AFF3: variants seen among roughly 807,000 people sequenced by gnomAD.
AFF3 encodes AF4/FMR2 family member 3.
A neutral mutation model predicts 129.7 loss-of-function variants in AFF3; 32 were observed. The ratio of observed to expected loss-of-function variants is 0.25; its 90% CI spans 0.19 to 0.33. The LOEUF (loss-of-function observed/expected upper bound fraction) is 0.33. Among genes scored for constraint, AFF3 ranks in the 10% least tolerant of loss-of-function variants. The pLI is 1.00. For synonymous variants in AFF3, 644 were observed against 635.4 expected (o/e 1.01, Z -0.20); for missense variants, 1,373 against 1,592.0 (o/e 0.86, Z 2.34).
At position 99,648,642 on chromosome 2, in the gene AFF3, C is replaced by T. The variant is rs556198595; in HGVS notation, c.1184+984G>A. On this transcript the variant is annotated intron_variant, in intron 13 of 24. Transcript: ENST00000672756. ...TTTCACTCATGCACACCAGATAATTCGCCTAAGTGACAGGTTTTACTTTGG... is the reference window on the plus strand; with the variant it reads ...TTTCACTCATGCACACCAGATAATTTGCCTAAGTGACAGGTTTTACTTTGG... 4.6e-5 allele frequency among the ~76,000 whole-genome samples: 7 copies of T among 152,162 alleles called. No homozygotes were observed. In the South Asian group the frequency reaches 1.2e-3, roughly 27 times the overall value.
At chr2:99,631,125 T>C in intron 13 of AFF3, 1 of 272,346 alleles carries the variant, frequency 3.7e-6, no homozygotes, top group Non-Finnish European at 8.0e-6. Context: ...GTGTGATCCT[T>C]CCCCTCGGCC....
At chr2:99,941,489 T>C (rs1027582811) in intron 7 of AFF3, among the ~76,000 whole-genome samples, 2 of 152,252 alleles carry the variant, frequency 1.3e-5, no homozygotes, top group African/African-American at 4.8e-5. Context: ...GACAGCTGCA[T>C]ATCACGATGA....
chr2:99,601,726 G>A lies in AFF3; in HGVS notation c.1185-105C>T. 5 of 1,324,880 alleles carry A rather than the reference G, an allele frequency of 3.8e-6. No individual in the cohort carries two copies. In the South Asian group the frequency reaches 4.3e-5, roughly 11 times the overall value. The allele number at this position is 1,324,880 out of a possible 1,614,324, so 82.1% of individuals were successfully genotyped here. A position where few individuals can be genotyped will look rare whatever the true frequency, so the allele number is the denominator to read the frequency against. ...TGCACCCTAAAGAGGGAGGAGGCACGCAGCCTACACATCTGTCAACCATGA... is the reference window on the plus strand; with the variant it reads ...TGCACCCTAAAGAGGGAGGAGGCACACAGCCTACACATCTGTCAACCATGA... On this transcript the variant is annotated intron_variant, in intron 13 of 24. Transcript: ENST00000672756.
chr2:99,611,684 C>T lies in AFF3; in HGVS notation c.1185-10063G>A, dbSNP rs183683729. ...GGTGGATCACTTGAGGTCAGGAGTT[C>T]GAGAGCAGCCTGGCCAACATGGTAA... On this transcript the variant is annotated intron_variant, in intron 13 of 24. Coordinates refer to ENST00000672756, the MANE Select transcript of AFF3 (RefSeq NM_001386135.1). 1.8e-3 allele frequency among the ~76,000 whole-genome samples: 274 copies of T among 152,090 alleles called. 1 individual carries two copies. The highest frequency in any genetic ancestry group is 6.4e-3 in the African/African-American group (265 of 41,500).
intron 13 of AFF3, among the ~76,000 whole-genome samples, chr2:99,624,989 C>A (rs750899989): frequency 2.6e-5 from 4 of 152,178 alleles, no homozygotes; most frequent in Non-Finnish European, 5.9e-5. Context: ...AAGATACAGT[C>A]TCTCGTGGAA....
At chr2:100,050,514 A>ACC in intron 4 of AFF3, among the ~76,000 whole-genome samples, 1 of 152,198 alleles carries the variant, frequency 6.6e-6, no homozygotes, top group South Asian at 2.1e-4. Flanking sequence ...TTCTTGTATA[A>ACC]AGACTCATGC....
At chr2:99,711,524 C>A (rs964791899) in intron 11 of AFF3, among the ~76,000 whole-genome samples, 3 of 152,026 alleles carry the variant, frequency 2.0e-5, no homozygotes, top group African/African-American at 7.2e-5. Flanking sequence ...AGAGAACCTG[C>A]GATCTAGGGG....
In AFF3 at chr2:99,593,398, A is replaced by G; in HGVS notation, c.2263T>C (p.Ser755Pro). Residue 755 changes from serine to proline, a missense_variant, in exon 15 of 25, where the codon TCC becomes CCC. This residue lies in a region of AFF3 where 466 missense variants were observed against 505.0 expected (regional missense o/e 0.92). Transcript: ENST00000672756. ...ATCTCATCACTGTCCTTTAGAGGGG[A>G]GAGAAGTTCGTTCCGGCCAAAGGGG... Reference protein sequence around the residue: ...LVPFGRNELLSPLKDSDEIRS... With the variant: ...LVPFGRNELLPPLKDSDEIRS... 6.2e-7 allele frequency: 1 copy of G among 1,613,888 alleles called. No homozygotes were observed. Among genetic ancestry groups the G allele is most frequent in the East Asian group, 2.2e-5 (1 of 44,830 alleles).
intron 4 of AFF3, among the ~76,000 whole-genome samples, chr2:100,073,029 G>T (rs751052844): frequency 6.6e-6 from 1 of 152,206 alleles, no homozygotes; most frequent in Non-Finnish European, 1.5e-5. Context: ...CGCTGTGAGT[G>T]TCAATGTTGA....
chr2:100,004,632 C>T (rs752262428), intron 7 of AFF3, among the ~76,000 whole-genome samples: 23 of 152,000 alleles, frequency 1.5e-4, no homozygotes, highest in African/African-American at 4.8e-5. Context: ...GAACAATGCA[C>T]CTGCGAAAGA....
chr2:99,721,189 C>T (rs886252969), intron 11 of AFF3, among the ~76,000 whole-genome samples: 2 of 151,950 alleles, frequency 1.3e-5, no homozygotes, highest in Admixed American at 6.6e-5. Flanking sequence ...TTTGTACATC[C>T]CAACATGTCT....
intron 20 of AFF3, among the ~76,000 whole-genome samples, chr2:99,565,216 G>C (rs1675846086): frequency 6.6e-6 from 1 of 151,230 alleles, no homozygotes; most frequent in Non-Finnish European, 1.5e-5. Flanking sequence ...CCACTTCCTA[G>C]CTGAGAGGAG....
At chr2:99,553,938 A>G (rs1674664145) in intron 24 of AFF3, among the ~76,000 whole-genome samples, 1 of 149,006 alleles carries the variant, frequency 6.7e-6, no homozygotes, top group Admixed American at 6.7e-5. Context: ...AAAAAAAAAA[A>G]AAAGAAAAAG....
chr2:99,622,523 A>C (rs1354408484), intron 13 of AFF3, among the ~76,000 whole-genome samples: 6 of 152,184 alleles, frequency 3.9e-5, no homozygotes, highest in Non-Finnish European at 1.5e-5. Flanking sequence ...ATATAATTTT[A>C]TTTGCTTTAT....
intron 7 of AFF3, among the ~76,000 whole-genome samples, chr2:99,872,351 C>T (rs1257093827): frequency 6.6e-6 from 1 of 151,450 alleles, no homozygotes; most frequent in Non-Finnish European, 1.5e-5. Context: ...CTAAATACCA[C>T]ATTTTGGGAG....
At chr2:99,725,314 G>A (rs940731054) in intron 11 of AFF3, among the ~76,000 whole-genome samples, 1 of 151,714 alleles carries the variant, frequency 6.6e-6, no homozygotes, top group Admixed American at 6.6e-5. Context: ...ATAAGGTACA[G>A]AGTAAAGCAA....
Position 99,630,706 on chromosome 2 carries a change from C to G in AFF3, c.1184+18920G>C, listed in dbSNP as rs984450735. ...GTCTTACATGGTGGCAGGAGAGAGA[C>G]AGAGAGTGAGCAAAGAGAAAGTGCC... On this transcript the variant is annotated intron_variant, in intron 13 of 24. Transcript: ENST00000672756. 3.8e-5 allele frequency: 6 copies of G among 158,850 alleles called. No homozygotes were observed. In the South Asian group the frequency reaches 5.1e-4, roughly 13 times the overall value. 9.8% of individuals were successfully genotyped at this position (158,850 alleles called of 1,614,324 possible). A position where few individuals can be genotyped will look rare whatever the true frequency, so the allele number is the denominator to read the frequency against.
intron 11 of AFF3, among the ~76,000 whole-genome samples, chr2:99,721,571 T>C (rs748070817): frequency 6.6e-6 from 1 of 152,044 alleles, no homozygotes; most frequent in Non-Finnish European, 1.5e-5. Context: ...TTGACAGTTC[T>C]TCCTTTTTCT....
In AFF3 at chr2:100,012,577, C is replaced by G. The variant is rs1457840257; in HGVS notation, c.54-3645G>C. ...GCTTCTCGACAGTGAGCCCCCATCCCACTAATTACAAGTGAAAATTGTGCC... is the reference window on the plus strand; with the variant it reads ...GCTTCTCGACAGTGAGCCCCCATCCGACTAATTACAAGTGAAAATTGTGCC... On this transcript the variant is annotated intron_variant, in intron 4 of 24. Coordinates refer to ENST00000672756, the MANE Select transcript of AFF3 (RefSeq NM_001386135.1). 2.0e-5 allele frequency among the ~76,000 whole-genome samples: 3 copies of G among 152,204 alleles called. No individual in the cohort carries two copies. In the East Asian group the frequency reaches 5.8e-4, roughly 29 times the overall value.
Sources: gnomAD v4.1 joint callset for allele counts (sites outside exome capture counted in the v4.1 genomes callset) on GRCh38, gnomAD v4.1.1 for gene constraint, gnomAD v4.1.1 regional missense constraint, MANE v1.5 for transcripts, NCBI Gene and HGNC (gene_info 2026-07-23, HGNC 2026-07-21) for gene names.